The following MTHFD2 variants were observed in gnomAD, a reference collection of about 807,000 sequenced individuals.
MTHFD2 encodes bifunctional methylenetetrahydrofolate dehydrogenase/cyclohydrolase, mitochondrial.
In MTHFD2, 26 loss-of-function variants were observed where a neutral mutation model predicts 36.8. The observed-to-expected ratio is 0.71, with a 90% confidence interval of 0.52 to 0.98. The LOEUF (loss-of-function observed/expected upper bound fraction) is 0.98. MTHFD2 is among the 50% of genes least tolerant of loss of function. The pLI is 0.00. For missense variants in MTHFD2, 373 were observed against 434.0 expected, an observed-to-expected ratio of 0.86 and a Z score of 1.25; for synonymous variants, 164 against 155.2, an observed-to-expected ratio of 1.06 and a Z score of -0.42.
chr2:74,207,579 A>C lies in MTHFD2; in HGVS notation c.287-125A>C, dbSNP rs372406332. 67 of 845,252 alleles carry C rather than the reference A, an allele frequency of 7.9e-5. No individual in the cohort carries two copies. The East Asian group carries it at 1.6e-3, about 21-fold the overall frequency. The allele number at this position is 845,252 out of a possible 1,614,324, so 52.4% of individuals were successfully genotyped here. Reference sequence around the variant, plus strand: ...GTTACTTTTTTAGGTTCCTTGAGCTACTTCAGCTTTTAGGGATGAGTGTGA... The same window carrying C: ...GTTACTTTTTTAGGTTCCTTGAGCTCCTTCAGCTTTTAGGGATGAGTGTGA... On this transcript the variant is annotated intron_variant, in intron 2 of 7. Coordinates refer to ENST00000394053, the MANE Select transcript of MTHFD2 (RefSeq NM_006636.4).
At position 74,214,395 on chromosome 2, in the gene MTHFD2, C is replaced by T. The variant is rs1694383691; in HGVS notation, c.*153C>T. 2.6e-6 allele frequency: 2 copies of T among 783,746 alleles called. No individual in the cohort carries two copies. The highest frequency in any genetic ancestry group is 3.9e-6 in the Non-Finnish European group (2 of 515,834). The allele number at this position is 783,746 out of a possible 1,614,324, so 48.5% of individuals were successfully genotyped here. A position where few individuals can be genotyped will look rare whatever the true frequency, so the allele number is the denominator to read the frequency against. On this transcript the variant is annotated 3_prime_UTR_variant, in exon 8 of 8. Coordinates refer to ENST00000394053, the MANE Select transcript of MTHFD2 (RefSeq NM_006636.4). ...AAGCTTAAATGGGTGGGTGTTTCTG[C>T]ACATACCTCTGCAGTACCTCACCAG... is the stretch of plus-strand genomic sequence containing the variant.
chr2:74,212,857 A>G (rs1350207817), intron 7 of MTHFD2, among the ~76,000 whole-genome samples: 1 of 152,000 alleles, frequency 6.6e-6, no homozygotes. Flanking sequence ...CCAGGAAAAA[A>G]CCATACCCCT....
Position 74,215,424 on chromosome 2 carries a change from T to C in MTHFD2, c.*1182T>C, listed in dbSNP as rs1236573481. ...TAAATAGATAATTTTTTTTCTTCTA[T>C]TTTTTTTTTTTTTTTTGTAGAGATG... On this transcript the variant is annotated 3_prime_UTR_variant, in exon 8 of 8. Coordinates refer to ENST00000394053, the MANE Select transcript of MTHFD2 (RefSeq NM_006636.4). 1 of 120,124 alleles carries C rather than the reference T, an allele frequency of 8.3e-6. No homozygotes were observed. The highest frequency in any genetic ancestry group is 1.6e-5 in the Non-Finnish European group (1 of 63,318). The allele number at this position is 120,124 out of a possible 1,614,324, so 7.4% of individuals were successfully genotyped here. A position where few individuals can be genotyped will look rare whatever the true frequency, so the allele number is the denominator to read the frequency against.
intron 6 of MTHFD2, chr2:74,211,514 T>C: frequency 2.1e-6 from 1 of 474,526 alleles, no homozygotes; most frequent in Non-Finnish European, 3.6e-6. Flanking sequence ...TCAAAATATT[T>C]ATATTAATAT....
Position 74,215,900 on chromosome 2 carries a change from C to G in MTHFD2, c.*1658C>G, listed in dbSNP as rs1694431557. ...CTAGGATTACAGGCGTGAGCCACTG[C>G]ACCTGGCCTGTCCTACAGTCTTATA... On this transcript the variant is annotated 3_prime_UTR_variant, in exon 8 of 8. Coordinates refer to ENST00000394053, the MANE Select transcript of MTHFD2 (RefSeq NM_006636.4). 1 of 152,446 alleles carries G rather than the reference C, an allele frequency of 6.6e-6. No individual in the cohort carries two copies. The highest frequency in any genetic ancestry group is 2.4e-5 in the African/African-American group (1 of 41,462). 9.4% of individuals were successfully genotyped at this position (152,446 alleles called of 1,614,324 possible).
chr2:74,213,986 C>T, intron 7 of MTHFD2, 93 bp from the exon 8 acceptor site: 1 of 1,394,026 alleles, frequency 7.2e-7, no homozygotes, highest in Middle Eastern at 2.3e-4. Flanking sequence ...ATGTATGTTA[C>T]TTTTTCCTTG....
intron 1 of MTHFD2, among the ~76,000 whole-genome samples, chr2:74,203,032 G>T (rs914916084): frequency 1.3e-5 from 2 of 151,812 alleles, no homozygotes; most frequent in African/African-American, 4.8e-5. Flanking sequence ...ATGGAGTCTT[G>T]CCCTGTTACA....
chr2:74,203,799 G>T (rs368342189), intron 1 of MTHFD2, among the ~76,000 whole-genome samples: 2 of 149,624 alleles, frequency 1.3e-5, no homozygotes, highest in Non-Finnish European at 3.0e-5. Context: ...AAAGGGAAAG[G>T]CTTTTTTTAA....
At chr2:74,208,858 CTT>C in intron 4 of MTHFD2, 137 bp downstream of exon 4, 1 of 911,600 alleles carries the variant, frequency 1.1e-6, no homozygotes, top group South Asian at 1.9e-5. Flanking sequence ...GTTTACCTCT[CTT>C]AACAGTTTTT....
chr2:74,210,557 C>T (rs201145378), intron 5 of MTHFD2, among the ~76,000 whole-genome samples: 2 of 152,156 alleles, frequency 1.3e-5, no homozygotes, highest in Non-Finnish European at 2.9e-5. Context: ...ATACTTTCAA[C>T]TATCTTTCAA....
At position 74,216,122 on chromosome 2, in the gene MTHFD2, GAT is replaced by G. The variant is rs1208995814; in HGVS notation, c.*1882_*1883del. 1 of 152,158 alleles carries G rather than the reference GAT, an allele frequency of 6.6e-6. No homozygotes were observed. The highest frequency in any genetic ancestry group is 1.9e-4 in the East Asian group (1 of 5,196). The allele number at this position is 152,158 out of a possible 1,614,324, so 9.4% of individuals were successfully genotyped here. A position where few individuals can be genotyped will look rare whatever the true frequency, so the allele number is the denominator to read the frequency against. On this transcript the variant is annotated 3_prime_UTR_variant, in exon 8 of 8. Coordinates refer to ENST00000394053, the MANE Select transcript of MTHFD2 (RefSeq NM_006636.4). ...TTCTGCCAGCTGGCGTTATTCTTTT[GAT>G]AGTTCTCTGGAGTTTAAAGAAGTTT...
chr2:74,198,649 C>T lies in MTHFD2; in HGVS notation c.8C>T (p.Ala3Val), dbSNP rs752657301. 1.3e-5 allele frequency: 21 copies of T among 1,608,430 alleles called. No homozygotes were observed. Among genetic ancestry groups the T allele is most frequent in the Non-Finnish European group, 1.7e-5 (20 of 1,177,780 alleles). MA[A>V]TSLMSALAAR... is the part of the protein sequence containing the mutation. ...CAGTCACCGGCGCGGTCTATGGCTG[C>T]GACTTCTCTAATGTCTGCTTTGGCT... Residue 3 changes from alanine (A) to valine (V), a missense_variant, in exon 1 of 8, where the codon GCG becomes GTG. This residue lies in a region of MTHFD2 where 65 missense variants were observed against 36.1 expected (regional missense o/e 1.80). Transcript: ENST00000394053.
At chr2:74,213,423 C>T (rs1380955414) in intron 7 of MTHFD2, among the ~76,000 whole-genome samples, 1 of 151,662 alleles carries the variant, frequency 6.6e-6, no homozygotes, top group African/African-American at 2.4e-5. Flanking sequence ...ACTATAGGCA[C>T]ATGTCACCTC....
At chr2:74,211,918 C>A in intron 7 of MTHFD2, 52 bp downstream of exon 7, 413 of 1,001,708 alleles carry the variant, frequency 4.1e-4, no homozygotes, top group Middle Eastern at 7.0e-4. Context: ...TACTACCTTT[C>A]ATGGACATTT....
Position 74,214,130 on chromosome 2 carries a change from C to T in MTHFD2, c.941C>T (p.Pro314Leu), listed in dbSNP as rs1694376203. 2.5e-6 allele frequency: 4 copies of T among 1,614,040 alleles called. No individual in the cohort carries two copies. Among genetic ancestry groups the T allele is most frequent in the Non-Finnish European group, 3.4e-6 (4 of 1,179,964 alleles). Residue 314 changes from proline (P) to leucine (L), a missense_variant, in exon 8 of 8, where the codon CCC becomes CTC. Transcript: ENST00000394053. The part of the protein sequence containing the change: ...YITPVPGGVG[P>L]MTVAMLMKNT... ...ACTCCAGTTCCTGGAGGTGTTGGCC[C>T]CATGACAGTGGCAATGCTAATGAAG...
In MTHFD2 at chr2:74,210,785, G is replaced by GTTTTTTTTTTTTTTTTT. The variant is rs71406865; in HGVS notation, c.671-413_671-397dup. ...AAACATGGCACAAGCCATTAAGTCA[G>GTTTTTTTTTTTTTTTTT]TTTTTTTTTTTTTTTTTCCTGGAGA... is the stretch of plus-strand genomic sequence containing the variant. On this transcript the variant is annotated intron_variant, in intron 5 of 7. Transcript: ENST00000394053. Among the ~76,000 whole-genome samples the GTTTTTTTTTTTTTTTTT allele has an allele frequency of 2.1e-4, 28 of 132,040 alleles. 1 individual carries two copies. The highest frequency in any genetic ancestry group is 5.5e-4 in the African/African-American group (19 of 34,288). 86.6% of individuals were successfully genotyped at this position (132,040 alleles called of 152,430 possible). A position where few individuals can be genotyped will look rare whatever the true frequency, so the allele number is the denominator to read the frequency against.
At chr2:74,201,135 A>C (rs1469530167) in intron 1 of MTHFD2, among the ~76,000 whole-genome samples, 1 of 151,982 alleles carries the variant, frequency 6.6e-6, no homozygotes, top group Non-Finnish European at 1.5e-5. Flanking sequence ...CTATAGGCGC[A>C]CACCACCATG....
chr2:74,205,910 T>G (rs1166260831), intron 2 of MTHFD2, 21 bp downstream of exon 2: 2 of 1,604,078 alleles, frequency 1.2e-6, no homozygotes, highest in Non-Finnish European at 8.5e-7. Flanking sequence ...TTCTGAGACC[T>G]CGACTGCGGT....
At position 74,198,645 on chromosome 2, in the gene MTHFD2, G is replaced by A; in HGVS notation, c.4G>A (p.Ala2Thr). ...GGCGCAGTCACCGGCGCGGTCTATG[G>A]CTGCGACTTCTCTAATGTCTGCTTT... M[A>T]ATSLMSALAA... Residue 2 changes from alanine to threonine, a missense_variant, in exon 1 of 8, where the codon GCT becomes ACT. Transcript: ENST00000394053. 1.2e-6 allele frequency: 2 copies of A among 1,608,254 alleles called. No homozygotes were observed. Among genetic ancestry groups the A allele is most frequent in the Non-Finnish European group, 1.7e-6 (2 of 1,177,742 alleles).
Sources: allele counts gnomAD v4.1 joint callset (sites outside exome capture counted in the v4.1 genomes callset), GRCh38; gene constraint gnomAD v4.1.1; regional missense constraint gnomAD v4.1.1; transcripts MANE v1.5; gene names NCBI Gene and HGNC (gene_info 2026-07-23, HGNC 2026-07-21).